The following RIT1 variants were observed in gnomAD, a reference collection of about 807,000 sequenced individuals.
RIT1 encodes the protein GTP-binding protein Rit1.
Under a neutral mutation model 25.6 loss-of-function variants are expected in RIT1, and 6 were observed. The ratio of observed to expected loss-of-function variants is 0.23; its 90% confidence interval spans 0.13 to 0.46. The LOEUF (loss-of-function observed/expected upper bound fraction) is 0.46, where lower values mean the gene tolerates loss of function less well. Ranked by LOEUF, RIT1 falls within the 20% of genes least tolerant of loss-of-function variation. RIT1 has a pLI of 0.99. For synonymous variants in RIT1, 81 were observed against 94.1 expected, an observed-to-expected ratio of 0.86 and a Z score of 0.80; for missense variants, 219 against 284.4, an observed-to-expected ratio of 0.77 and a Z score of 1.65.
intron 3 of RIT1, among the ~76,000 whole-genome samples, chr1:155,906,281 T>A (rs576664566): frequency 6.6e-6 from 1 of 152,342 alleles, no homozygotes; most frequent in East Asian, 1.9e-4. Context: ...TAACAACTGC[T>A]GCTTACATCT....
chr1:155,910,522 T>A lies in RIT1; in HGVS notation c.107-16A>T. The A allele has an allele frequency of 4.3e-6, 7 of 1,613,838 alleles. No homozygotes were observed. The highest frequency in any genetic ancestry group is 5.9e-6 in the Non-Finnish European group (7 of 1,179,810). ...ATGGTCATGGCTTCAAAAGAAGAAATAAAAGTCAAATCCTCACAAAGGTGA... is the reference window on the plus strand; with the variant it reads ...ATGGTCATGGCTTCAAAAGAAGAAAAAAAAGTCAAATCCTCACAAAGGTGA... On this transcript the variant is annotated splice_polypyrimidine_tract_variant and intron_variant, in intron 2 of 5. Coordinates refer to ENST00000368323, the MANE Select transcript of RIT1 (RefSeq NM_006912.6).
At position 155,910,718 on chromosome 1, in the gene RIT1, G is replaced by C; in HGVS notation, c.44C>G (p.Pro15Arg). ...TTTGTACTCCCGTGAGAGCCCAGCG[G>C]GGCTGCTACAGCAGCTACCAACTGG... ...TRPVGSCCSS[P>R]AGLSREYKLV... Residue 15 changes from proline to arginine, a missense_variant, in exon 2 of 6, where the codon CCC becomes CGC. By Grantham distance (103) the Pro-to-Arg change is moderately radical (BLOSUM62 -2). Around this residue, in one of 3 missense-constraint regions of RIT1, gnomAD observed 131 missense variants for 173.6 expected, o/e 0.75. Transcript: ENST00000368323. 6.2e-7 allele frequency: 1 copy of C among 1,614,222 alleles called. No homozygotes were observed. The highest frequency in any genetic ancestry group is 8.5e-7 in the Non-Finnish European group (1 of 1,180,026).
chr1:155,910,995 T>C, intron 1 of RIT1, 191 bp from the exon 2 acceptor site: 1 of 1,272,038 alleles, frequency 7.9e-7, no homozygotes, highest in Non-Finnish European at 1.1e-6. Context: ...TCCTAGACAG[T>C]TCAGTCACAT....
intron 3 of RIT1, among the ~76,000 whole-genome samples, chr1:155,909,935 A>C (rs961947148): frequency 6.6e-6 from 1 of 151,564 alleles, no homozygotes; most frequent in African/African-American, 2.4e-5. Flanking sequence ...AAAAAAAAAA[A>C]AACAACAGAC....
Position 155,899,600 on chromosome 1 carries a change from T to C in RIT1, c.*788A>G, listed in dbSNP as rs1332120548. The C allele has an allele frequency of 1.8e-4, 41 of 225,714 alleles. No homozygotes were observed. The highest frequency in any genetic ancestry group is 3.5e-5 in the Non-Finnish European group (4 of 113,218). The allele number at this position is 225,714 out of a possible 1,614,324, so 14.0% of individuals were successfully genotyped here. ...CAACTATGAATTTTGATTAAACACG[T>C]TTAGTAATACAGTTATGATTCCCAA... On this transcript the variant is annotated 3_prime_UTR_variant, in exon 6 of 6. Transcript: ENST00000368323.
intron 3 of RIT1, among the ~76,000 whole-genome samples, chr1:155,906,785 GAAAAAAAGAA>G (rs1673451607): frequency 1.5e-5 from 2 of 130,868 alleles, no homozygotes; most frequent in South Asian, 2.4e-4. Context: ...AAAAAAAAAA[GAAAAAAAGAA>G]AAAAAAAGAA....
rs763445246 is a variant in RIT1 at position 155,904,317 on chromosome 1, T to A, written c.423A>T (p.Leu141=). The stretch of plus-strand genomic sequence containing the variant: ...TTTTCTTCTCTATCCTCACCTGTCT[T>A]AGCTGTTTGAGGTCTGACTTGTTTC... The part of the protein sequence containing the change: ...LVGNKSDLKQ[L]RQVTKEEGLA... Residue 141 remains leucine, a synonymous_variant, in exon 5 of 6, where the codon CTA becomes CTT. Coordinates refer to ENST00000368323, the MANE Select transcript of RIT1 (RefSeq NM_006912.6). 6 of 1,608,316 alleles carry A rather than the reference T, an allele frequency of 3.7e-6. No individual in the cohort carries two copies. The highest frequency in any genetic ancestry group is 1.3e-5 in the African/African-American group (1 of 74,922).
rs1393628792 is a variant in RIT1, at chr1:155,900,588, G to C, written c.460C>G (p.Arg154Gly). 1 of 1,614,134 alleles carries C rather than the reference G, an allele frequency of 6.2e-7. No homozygotes were observed. Among genetic ancestry groups the C allele is most frequent in the Admixed American group, 1.7e-5 (1 of 60,004 alleles). The change falls in exon 6 of 6, where the codon CGA becomes GGA. Residue 154 changes from arginine to glycine, a missense_variant. Around this residue, in one of 3 missense-constraint regions of RIT1, gnomAD observed 81 missense variants for 83.8 expected, o/e 0.97. Transcript: ENST00000368323. ...VTKEEGLALA[R>G]EFSCPFFETS... ...TCAAAAAAGGGACAGCTGAATTCTC[G>C]GGCCAAGGCCAATCCTTCTTCCTTG...
Position 155,904,169 on chromosome 1 carries a change from A to G in RIT1, c.429+142T>C, listed in dbSNP as rs1765275. 566,784 of 626,154 alleles carry G rather than the reference A, an allele frequency of 0.91. 257,948 individuals are homozygous for G. Among genetic ancestry groups the G allele is most frequent in the East Asian group, 1 (36,200 of 36,228 alleles). The allele number at this position is 626,154 out of a possible 1,614,324, so 38.8% of individuals were successfully genotyped here. ...CCTGCCCACCTTGGCCCCGCAAAGT[A>G]CTGGTGTGAGCCACCTCACCCAGCC... On this transcript the variant is annotated intron_variant, in intron 5 of 5. Transcript: ENST00000368323.
rs939722981 is a variant in RIT1, at chr1:155,899,290, T to C, written c.*1098A>G. The C allele has an allele frequency of 9.5e-6, 2 of 210,882 alleles. No individual in the cohort carries two copies. The highest frequency in any genetic ancestry group is 4.5e-5 in the African/African-American group (2 of 44,144). 13.1% of individuals were successfully genotyped at this position (210,882 alleles called of 1,614,324 possible). A position where few individuals can be genotyped will look rare whatever the true frequency, so the allele number is the denominator to read the frequency against. The stretch of plus-strand genomic sequence containing the variant: ...CTTCAGATGGGAAACTCCACCTATG[T>C]GAATTTTAAAGCTTTAAGACTGACC... On this transcript the variant is annotated 3_prime_UTR_variant, in exon 6 of 6. Transcript: ENST00000368323.
chr1:155,905,450 T>C (rs1423511253), intron 3 of RIT1, among the ~76,000 whole-genome samples: 1 of 152,088 alleles, frequency 6.6e-6, no homozygotes, highest in East Asian at 1.9e-4. Context: ...TCCTCCTGCC[T>C]TGGCCTCCCA....
chr1:155,910,673 C>A lies in RIT1; in HGVS notation c.89G>T (p.Gly30Val). ...REYKLVMLGA[G>V]GVGKSAMTMQ... is the part of the protein sequence containing the mutation. ...TTACCTACCACTCTTCCCTACACCA[C>A]CAGCACCCAGCATCACTAGTTTGTA... Residue 30 changes from glycine to valine, a missense_variant, in exon 2 of 6, where the codon GGT (glycine) becomes GTT (valine). Around this residue, in one of 3 missense-constraint regions of RIT1, gnomAD observed 131 missense variants for 173.6 expected, o/e 0.75. Coordinates refer to ENST00000368323, the MANE Select transcript of RIT1 (RefSeq NM_006912.6). 1.9e-6 allele frequency: 3 copies of A among 1,614,218 alleles called. No homozygotes were observed. The highest frequency in any genetic ancestry group is 2.5e-6 in the Non-Finnish European group (3 of 1,180,016).
At chr1:155,908,115 C>A (rs1205634704) in intron 3 of RIT1, among the ~76,000 whole-genome samples, 1 of 147,982 alleles carries the variant, frequency 6.8e-6, no homozygotes, top group Non-Finnish European at 1.5e-5. Context: ...AAAAAAAATA[C>A]AGATAACTCT....
At chr1:155,909,130 C>CT (rs1673522110) in intron 3 of RIT1, among the ~76,000 whole-genome samples, 1 of 151,944 alleles carries the variant, frequency 6.6e-6, no homozygotes, top group Non-Finnish European at 1.5e-5. Context: ...AATCCCAGCA[C>CT]TTTGGGAGTC....
At chr1:155,909,659 C>G (rs550945330) in intron 3 of RIT1, among the ~76,000 whole-genome samples, 6 of 152,098 alleles carry the variant, frequency 3.9e-5, no homozygotes, top group Non-Finnish European at 8.8e-5. Flanking sequence ...CAGTGGCTCA[C>G]GCCTGTAATC....
At position 155,899,422 on chromosome 1, in the gene RIT1, T is replaced by G; in HGVS notation, c.*966A>C. 8.8e-6 allele frequency: 2 copies of G among 226,430 alleles called. No homozygotes were observed. The highest frequency in any genetic ancestry group is 1.8e-5 in the Non-Finnish European group (2 of 113,490). 14.0% of individuals were successfully genotyped at this position (226,430 alleles called of 1,614,324 possible). On this transcript the variant is annotated 3_prime_UTR_variant, in exon 6 of 6. Transcript: ENST00000368323. ...CCACACCCCTGATGTCTCTTCTGTA[T>G]GGAAAATGCAATCAGTGATGAAGGG... is the stretch of plus-strand genomic sequence containing the variant.
At position 155,900,344 on chromosome 1, in the gene RIT1, G is replaced by C. The variant is rs754151345; in HGVS notation, c.*44C>G. 1.4e-6 allele frequency: 2 copies of C among 1,432,254 alleles called. No individual in the cohort carries two copies. Among genetic ancestry groups the C allele is most frequent in the South Asian group, 2.3e-5 (2 of 86,226 alleles). 88.7% of individuals were successfully genotyped at this position (1,432,254 alleles called of 1,614,324 possible). A position where few individuals can be genotyped will look rare whatever the true frequency, so the allele number is the denominator to read the frequency against. On this transcript the variant is annotated 3_prime_UTR_variant, in exon 6 of 6. Coordinates refer to ENST00000368323, the MANE Select transcript of RIT1 (RefSeq NM_006912.6). Reference sequence around the variant, plus strand: ...GTACTGCAGGTTACTGGACTGCTTTGATACAGCACTGCAGTTCACAGATAA... The same window carrying C: ...GTACTGCAGGTTACTGGACTGCTTTCATACAGCACTGCAGTTCACAGATAA...
Position 155,900,379 on chromosome 1 carries a change from A to G in RIT1, c.*9T>C, listed in dbSNP as rs374740852. The stretch of plus-strand genomic sequence containing the variant: ...TGCAGTTCACAGATAAACACTTCAC[A>G]TCTTCTCTTCAAGTTACTGAATCTT... On this transcript the variant is annotated 3_prime_UTR_variant, in exon 6 of 6. Coordinates refer to ENST00000368323, the MANE Select transcript of RIT1 (RefSeq NM_006912.6). 2.4e-5 allele frequency: 39 copies of G among 1,602,304 alleles called. No individual in the cohort carries two copies. The highest frequency in any genetic ancestry group is 3.2e-5 in the Non-Finnish European group (37 of 1,169,414).
At position 155,903,882 on chromosome 1, in the gene RIT1, C is replaced by A. The variant is rs189052960; in HGVS notation, c.429+429G>T. On this transcript the variant is annotated intron_variant, in intron 5 of 5. Coordinates refer to ENST00000368323, the MANE Select transcript of RIT1 (RefSeq NM_006912.6). ...ACAATTAGCTGGGAGTGGTGGCACA[C>A]GCCTGTGGTCCCAGCTACCCTCAAA... Among the ~76,000 whole-genome samples, 93 of 152,292 alleles carry A rather than the reference C, an allele frequency of 6.1e-4. No individual in the cohort carries two copies. In the East Asian group the frequency reaches 0.017, roughly 28 times the overall value.
Sources: gnomAD v4.1 joint callset for allele counts (sites outside exome capture counted in the v4.1 genomes callset) on GRCh38, gnomAD v4.1.1 for gene constraint, gnomAD v4.1.1 regional missense constraint, MANE v1.5 for transcripts, NCBI Gene and HGNC (gene_info 2026-07-23, HGNC 2026-07-21) for gene names.